The following FOLH1 variants were observed in gnomAD, a reference collection of about 807,000 sequenced individuals.
FOLH1 encodes folate hydrolase 1, also known as glutamate carboxypeptidase 2.
FOLH1 carries 54 observed loss-of-function variants against 93.9 expected under a neutral mutation model. The observed-to-expected ratio is 0.57, with a 90% CI of 0.46 to 0.72. The LOEUF is 0.72. FOLH1 is among the 30% of genes least tolerant of loss of function. The probability of loss-of-function intolerance (pLI) is 0.00; values close to 1 mark genes in which losing one functional copy is unlikely to be tolerated. For synonymous variants in FOLH1, 249 were observed against 303.6 expected (o/e 0.82, Z 1.87); for missense variants, 571 against 892.5 (o/e 0.64, Z 4.59).
Position 49,208,148 on chromosome 11 carries a change from G to C in FOLH1, c.118+144C>G. 4.7e-6 allele frequency: 3 copies of C among 642,550 alleles called. No individual in the cohort carries two copies. In the East Asian group the frequency reaches 8.3e-5, roughly 18 times the overall value. 39.8% of individuals were successfully genotyped at this position (642,550 alleles called of 1,614,324 possible). A position where few individuals can be genotyped will look rare whatever the true frequency, so the allele number is the denominator to read the frequency against. On this transcript the variant is annotated intron_variant, in intron 1 of 18. Coordinates refer to ENST00000256999, the MANE Select transcript of FOLH1 (RefSeq NM_004476.3). ...CTACCCTCCTCCTAACTCGAGGGGT[G>C]CTCACCCCACATTACCCCGACCCTA...
At chr11:49,180,362 TG>T (rs1860576878) in intron 7 of FOLH1, among the ~76,000 whole-genome samples, 2 of 152,206 alleles carry the variant, frequency 1.3e-5, no homozygotes, top group Admixed American at 1.3e-4. Context: ...ATAATCACAC[TG>T]TGTTCAGGGT....
intron 4 of FOLH1, among the ~76,000 whole-genome samples, chr11:49,188,561 GTA>G (rs1234295949): frequency 6.6e-6 from 1 of 150,562 alleles, no homozygotes; most frequent in Non-Finnish European, 1.5e-5. Flanking sequence ...ATTACTAGCA[GTA>G]TCAAATTAAG....
intron 4 of FOLH1, among the ~76,000 whole-genome samples, chr11:49,189,828 T>C (rs997613859): frequency 6.6e-6 from 1 of 152,144 alleles, no homozygotes; most frequent in Non-Finnish European, 1.5e-5. Context: ...TAGAAAAAAT[T>C]AAAAAGCATT....
At chr11:49,183,513 C>T (rs374773512) in intron 6 of FOLH1, among the ~76,000 whole-genome samples, 2 of 152,106 alleles carry the variant, frequency 1.3e-5, no homozygotes, top group African/African-American at 4.8e-5. Flanking sequence ...AGCAATTCCA[C>T]TCCTGGGTAC....
Position 49,198,490 on chromosome 11 carries a change from C to CA in FOLH1, c.411+1764dup, listed in dbSNP as rs57496889. ...AAGCGAGACTCCGTCTCAAAAAAAACAAAAACAAAAACTAAAATATATTAT... is the reference window on the plus strand; with the variant it reads ...AAGCGAGACTCCGTCTCAAAAAAAACAAAAAACAAAAACTAAAATATATTAT... On this transcript the variant is annotated intron_variant, in intron 3 of 18. Transcript: ENST00000256999. Among the ~76,000 whole-genome samples the CA allele has an allele frequency of 3.1e-4, 43 of 137,876 alleles. 1 individual carries two copies. The highest frequency in any genetic ancestry group is 4.3e-3 in the Middle Eastern group (1 of 232). 90.5% of individuals were successfully genotyped at this position (137,876 alleles called of 152,430 possible).
At chr11:49,191,319 C>T (rs12804560) in intron 4 of FOLH1, among the ~76,000 whole-genome samples, 1 of 152,078 alleles carries the variant, frequency 6.6e-6, no homozygotes, top group Non-Finnish European at 1.5e-5. Context: ...GCCTGTAAAA[C>T]GTTTTAAACA....
At chr11:49,206,923 G>A in intron 1 of FOLH1, 1 of 732,430 alleles carries the variant, frequency 1.4e-6, no homozygotes, top group Non-Finnish European at 2.3e-6. Context: ...GAAATTACAG[G>A]ATCTGGGAAT....
intron 1 of FOLH1, chr11:49,207,978 C>CA (rs909043968): frequency 0.023 from 9,295 of 396,234 alleles, 14 homozygotes; most frequent in African/African-American, 0.054. Context: ...AAAACAAAAG[C>CA]AAAAAAAAAA....
In FOLH1 at chr11:49,208,304, C is replaced by A; in HGVS notation, c.106G>T (p.Gly36Cys). ...GGCGCCCCCCTACCGAAGAGGAAGC[C>A]GAGGAGAAAGAAGCCACCCGCCAGC... ...LVLAGGFFLL[G>C]FLFGWFIKSS... Residue 36 changes from glycine to cysteine, a missense_variant, in exon 1 of 19, where the codon GGC (glycine) becomes TGC (cysteine). Physicochemically the swap from Gly to Cys is radical, Grantham distance 159 (BLOSUM62 -3). This residue lies in a region of FOLH1 where 71 missense variants were observed against 69.6 expected (regional missense o/e 1.02). Coordinates refer to ENST00000256999, the MANE Select transcript of FOLH1 (RefSeq NM_004476.3). 6.4e-7 allele frequency: 1 copy of A among 1,566,620 alleles called. No homozygotes were observed. Among genetic ancestry groups the A allele is most frequent in the Admixed American group, 1.9e-5 (1 of 53,944 alleles).
rs1180015269 is a variant in FOLH1, at chr11:49,146,697, A to G, written c.*59T>C. On this transcript the variant is annotated 3_prime_UTR_variant, in exon 19 of 19. Transcript: ENST00000256999. ...TTTAAAATTTATCAATATACCCATT[A>G]CGATTCTTTCTGAGTGACATACCAC... 2.6e-6 allele frequency: 4 copies of G among 1,512,038 alleles called. No homozygotes were observed. Among genetic ancestry groups the G allele is most frequent in the Admixed American group, 2.2e-5 (1 of 45,112 alleles). 93.7% of individuals were successfully genotyped at this position (1,512,038 alleles called of 1,614,324 possible).
At chr11:49,170,513 C>T (rs1264898307) in intron 11 of FOLH1, among the ~76,000 whole-genome samples, 1 of 152,044 alleles carries the variant, frequency 6.6e-6, no homozygotes, top group Non-Finnish European at 1.5e-5. Flanking sequence ...TACTCAGGAG[C>T]CTAGGGCAGG....
At chr11:49,148,800 A>C (rs1485436257) in intron 17 of FOLH1, 69 bp from the exon 18 acceptor site, 1 of 1,338,436 alleles carries the variant, frequency 7.5e-7, no homozygotes, top group African/African-American at 1.5e-5. Flanking sequence ...TAAAAATTTC[A>C]GAACAAAACT....
At chr11:49,192,666 C>T in intron 4 of FOLH1, 127 bp downstream of exon 4, 1 of 605,224 alleles carries the variant, frequency 1.7e-6, no homozygotes, top group Non-Finnish European at 2.6e-6. Context: ...ATTCTCATTA[C>T]TTAAATGTGG....
chr11:49,167,168 A>G (rs1858512735), intron 12 of FOLH1, among the ~76,000 whole-genome samples: 1 of 152,238 alleles, frequency 6.6e-6, no homozygotes, highest in African/African-American at 2.4e-5. Flanking sequence ...TATATATTTC[A>G]CCTTATGTGT....
At chr11:49,186,844 C>A (rs755366873) in intron 4 of FOLH1, 75 bp from the exon 5 acceptor site, 8 of 1,481,096 alleles carry the variant, frequency 5.4e-6, no homozygotes, top group Non-Finnish European at 6.3e-6. Flanking sequence ...GACTGTTGGA[C>A]ATTTTTGAAA....
intron 1 of FOLH1, chr11:49,207,766 G>A: frequency 2.4e-6 from 1 of 412,498 alleles, no homozygotes; most frequent in South Asian, 1.7e-5. Flanking sequence ...GAGCTTGCCT[G>A]TGTGGTTCTG....
chr11:49,165,794 G>T (rs1259324924), intron 12 of FOLH1, among the ~76,000 whole-genome samples: 1 of 152,132 alleles, frequency 6.6e-6, no homozygotes, highest in Non-Finnish European at 1.5e-5. Context: ...CAACAGAATT[G>T]TTTATGGAAC....
chr11:49,198,828 G>T, intron 3 of FOLH1, among the ~76,000 whole-genome samples: 1 of 147,714 alleles, frequency 6.8e-6, no homozygotes, highest in Non-Finnish European at 1.5e-5. Flanking sequence ...TGTTCAAGCT[G>T]GTCTGCAACT....
Position 49,147,386 on chromosome 11 carries a change from T to C in FOLH1, c.2064-441A>G, listed in dbSNP as rs1191957378. ...TTTTAATATATCATGCTACCCCCTA[T>C]ATTATAGCACAATTGTAATCATTAC... On this transcript the variant is annotated intron_variant, in intron 18 of 18. Coordinates refer to ENST00000256999, the MANE Select transcript of FOLH1 (RefSeq NM_004476.3). Among the ~76,000 whole-genome samples the C allele has an allele frequency of 3.9e-5, 6 of 152,212 alleles. No homozygotes were observed. In the South Asian group the frequency reaches 6.2e-4, roughly 16 times the overall value.
Sources: gnomAD v4.1 joint callset for allele counts (sites outside exome capture counted in the v4.1 genomes callset) on GRCh38, gnomAD v4.1.1 for gene constraint, gnomAD v4.1.1 regional missense constraint, MANE v1.5 for transcripts, NCBI Gene and HGNC (gene_info 2026-07-23, HGNC 2026-07-21) for gene names.